The following TMEM74 variants were observed in gnomAD, a reference collection of about 807,000 sequenced individuals.
The protein encoded by TMEM74 is transmembrane protein 74.
In TMEM74, 13 loss-of-function variants were observed where a neutral mutation model predicts 18.1. The observed-to-expected ratio is 0.72, with a 90% CI of 0.47 to 1.14. TMEM74 has a LOEUF of 1.14. Ranked by LOEUF, TMEM74 falls within the 50% of genes most tolerant of loss-of-function variation. TMEM74 has a pLI of 0.00. For missense variants in TMEM74, 372 were observed against 375.9 expected, an observed-to-expected ratio of 0.99 and a Z score of 0.09; for synonymous variants, 159 against 146.6, an observed-to-expected ratio of 1.08 and a Z score of -0.61.
At chr8:108,735,676 G>A (rs1019152383) in intron 1 of TMEM74, among the ~76,000 whole-genome samples, 3 of 152,052 alleles carry the variant, frequency 2.0e-5, no homozygotes, top group African/African-American at 4.8e-5. Context: ...AAACATTCAC[G>A]TACAAGTTTG....
intron 1 of TMEM74, among the ~76,000 whole-genome samples, chr8:108,740,903 G>T (rs995102632): frequency 6.6e-6 from 1 of 152,100 alleles, no homozygotes; most frequent in African/African-American, 2.4e-5. Flanking sequence ...CAGTGTCATT[G>T]TTTGTATTGG....
intron 1 of TMEM74, among the ~76,000 whole-genome samples, chr8:108,704,312 T>G (rs1367671589): frequency 1.3e-5 from 2 of 152,228 alleles, no homozygotes; most frequent in African/African-American, 4.8e-5. Context: ...TCATTTTTCA[T>G]CCTATTCATC....
Position 108,661,378 on chromosome 8 carries a change from C to CTTTTTTTTTTTTT in TMEM74, n.120-5954_120-5942dup, listed in dbSNP as rs760545466. ...TATCTTTTTCCTCTCCCTTGCAGCTCTTTTTTTTTTTTTTTTTTTTTTTCT... is the reference window on the plus strand; with the variant it reads ...TATCTTTTTCCTCTCCCTTGCAGCTCTTTTTTTTTTTTTTTTTTTTTTTTTTTTTTTTTTTTCT... On this transcript the variant is annotated intron_variant and non_coding_transcript_variant, in intron 1 of 3. Coordinates refer to the TMEM74 transcript ENST00000518838. Among the ~76,000 whole-genome samples the CTTTTTTTTTTTTT allele has an allele frequency of 2.3e-4, 20 of 86,730 alleles. 1 individual carries two copies. The highest frequency in any genetic ancestry group is 3.5e-4 in the Non-Finnish European group (16 of 46,344). 56.9% of individuals were successfully genotyped at this position (86,730 alleles called of 152,430 possible).
downstream of TMEM74, among the ~76,000 whole-genome samples, chr8:108,774,819 C>A: frequency 6.8e-6 from 1 of 147,192 alleles, no homozygotes. Context: ...GGCAGGTCTC[C>A]AACTCCTGGC....
intron 1 of TMEM74, among the ~76,000 whole-genome samples, chr8:108,745,785 C>T (rs1488986598): frequency 4.6e-5 from 7 of 152,100 alleles, no homozygotes; most frequent in Non-Finnish European, 8.8e-5. Flanking sequence ...GACAGCCCAG[C>T]GCCGCACCCT....
intron 1 of TMEM74, among the ~76,000 whole-genome samples, chr8:108,720,388 G>T (rs988425148): frequency 6.6e-6 from 1 of 152,152 alleles, no homozygotes; most frequent in Non-Finnish European, 1.5e-5. Context: ...TTAAATAATA[G>T]TCTACAATCA....
chr8:108,645,757 A>G (rs1489459211), intron 2 of TMEM74, among the ~76,000 whole-genome samples: 1 of 152,132 alleles, frequency 6.6e-6, no homozygotes, highest in African/African-American at 2.4e-5. Flanking sequence ...AGTTGTGGAA[A>G]TGGACATTCA....
intron 1 of TMEM74, among the ~76,000 whole-genome samples, chr8:108,664,841 G>A (rs552389728): frequency 1.3e-5 from 2 of 152,114 alleles, no homozygotes; most frequent in East Asian, 3.9e-4. Flanking sequence ...TCATAGATCC[G>A]CTAATGTTTG....
chr8:108,694,417 A>G (rs1377543426), intron 1 of TMEM74, among the ~76,000 whole-genome samples: 1 of 152,224 alleles, frequency 6.6e-6, no homozygotes, highest in Non-Finnish European at 1.5e-5. Flanking sequence ...GTGAAAAAAA[A>G]CCCAGATACA....
At chr8:108,705,859 A>G (rs1026328811) in intron 1 of TMEM74, among the ~76,000 whole-genome samples, 14 of 152,228 alleles carry the variant, frequency 9.2e-5, no homozygotes, top group Admixed American at 7.9e-4. Flanking sequence ...GAGAACTTAC[A>G]GTTTCTAATT....
intron 1 of TMEM74, among the ~76,000 whole-genome samples, chr8:108,730,231 C>G (rs1324604889): frequency 1.3e-5 from 2 of 152,284 alleles, no homozygotes; most frequent in Non-Finnish European, 2.9e-5. Flanking sequence ...GCTGGGGAGT[C>G]AAGCTGGCAG....
chr8:108,695,378 G>A (rs111882731), intron 1 of TMEM74, among the ~76,000 whole-genome samples: 250 of 152,216 alleles, frequency 1.6e-3, no homozygotes, highest in African/African-American at 5.8e-3. Context: ...CAAGCACTTG[G>A]GTACTTACCT....
At chr8:108,711,896 GA>G (rs1586269999) in intron 1 of TMEM74, among the ~76,000 whole-genome samples, 1 of 152,284 alleles carries the variant, frequency 6.6e-6, no homozygotes, top group African/African-American at 2.4e-5. Context: ...GGGTATGGGT[GA>G]GACTATGTTG....
At chr8:108,615,236 GA>G (rs1333176075) in intron 2 of TMEM74, among the ~76,000 whole-genome samples, 14 of 152,206 alleles carry the variant, frequency 9.2e-5, no homozygotes, top group Non-Finnish European at 1.2e-4. Context: ...GCTTGGAAGG[GA>G]CAGCCATAGG....
chr8:108,732,129 G>A (rs1183033409), intron 1 of TMEM74, among the ~76,000 whole-genome samples: 1 of 151,994 alleles, frequency 6.6e-6, no homozygotes, highest in Non-Finnish European at 1.5e-5. Flanking sequence ...TGAACAGTTG[G>A]AAATTAAAAG....
At chr8:108,754,238 C>T (rs117615315) in intron 1 of TMEM74, among the ~76,000 whole-genome samples, 1 of 152,172 alleles carries the variant, frequency 6.6e-6, no homozygotes, top group East Asian at 1.9e-4. Context: ...TTTATTTCAA[C>T]AAATGCTAAA....
At chr8:108,610,768 G>A (rs769666197) in intron 2 of TMEM74, among the ~76,000 whole-genome samples, 3 of 152,210 alleles carry the variant, frequency 2.0e-5, no homozygotes, top group African/African-American at 7.2e-5. Flanking sequence ...GGCTAAACAG[G>A]AGGGGGCTTA....
At chr8:108,608,021 C>T (rs139767494) in intron 3 of TMEM74, among the ~76,000 whole-genome samples, 173 of 151,922 alleles carry the variant, frequency 1.1e-3, no homozygotes, top group African/African-American at 3.8e-3. Context: ...GAGAACTAAA[C>T]GGCCAGGCGC....
At chr8:108,737,287 A>C (rs145239059) in intron 1 of TMEM74, among the ~76,000 whole-genome samples, 5 of 152,308 alleles carry the variant, frequency 3.3e-5, no homozygotes, top group African/African-American at 9.6e-5. Context: ...TATAAAGTGC[A>C]TGGGATGAAG....
Sources: allele counts gnomAD v4.1 joint callset (sites outside exome capture counted in the v4.1 genomes callset), GRCh38; gene constraint gnomAD v4.1.1; transcripts MANE v1.5; gene names NCBI Gene and HGNC (gene_info 2026-07-23, HGNC 2026-07-21).